ICA1: variants seen among roughly 807,000 people sequenced by gnomAD.
ICA1 encodes the protein islet cell autoantigen 1, also known as 69 kDa islet cell autoantigen.
In ICA1, 40 loss-of-function variants were observed where a neutral mutation model predicts 71.0. The ratio of observed to expected loss-of-function variants is 0.56; its 90% CI spans 0.44 to 0.73. ICA1 has a LOEUF of 0.73. Ranked by LOEUF, ICA1 falls within the 30% of genes least tolerant of loss-of-function variation. The pLI, the probability that ICA1 is intolerant of heterozygous loss-of-function variation, is 0.00. For synonymous variants in ICA1, 207 were observed against 209.5 expected (o/e 0.99, Z 0.10); for missense variants, 578 against 576.5 (o/e 1.00, Z -0.03).
intron 8 of ICA1, among the ~76,000 whole-genome samples, chr7:8,147,190 C>T (rs912852143): frequency 1.3e-5 from 2 of 152,122 alleles, no homozygotes; most frequent in African/African-American, 4.8e-5. Flanking sequence ...CCACGGTTAT[C>T]ATCCTTTCTG....
chr7:8,166,161 T>C (rs761197941), intron 6 of ICA1, among the ~76,000 whole-genome samples: 1 of 152,184 alleles, frequency 6.6e-6, no homozygotes, highest in Non-Finnish European at 1.5e-5. Flanking sequence ...ATTGGTGTTA[T>C]TAATTACCAG....
chr7:8,237,015 T>C (rs1464728233), intron 1 of ICA1: 1 of 152,230 alleles, frequency 6.6e-6, no homozygotes, highest in Non-Finnish European at 1.5e-5. Flanking sequence ...CCTAGGCTAT[T>C]TAAAAACATT....
At chr7:8,243,590 T>C (rs1254063125) in intron 1 of ICA1, among the ~76,000 whole-genome samples, 4 of 152,124 alleles carry the variant, frequency 2.6e-5, no homozygotes, top group East Asian at 1.9e-4. Context: ...GAGAAAGCAA[T>C]AAAGCATATT....
chr7:8,120,303 A>G (rs980600809), intron 13 of ICA1, among the ~76,000 whole-genome samples: 5 of 152,228 alleles, frequency 3.3e-5, no homozygotes, highest in Non-Finnish European at 2.9e-5. Context: ...TATGTCTATG[A>G]CACCGACTAT....
intron 4 of ICA1, among the ~76,000 whole-genome samples, chr7:8,225,637 T>C (rs1297069438): frequency 1.3e-5 from 2 of 152,236 alleles, no homozygotes; most frequent in Admixed American, 6.5e-5. Context: ...GCAGGAAATA[T>C]ATGAATGTAC....
Position 8,232,619 on chromosome 7 carries a change from A to C in ICA1, c.154T>G (p.Ser52Ala), listed in dbSNP as rs754542877. Residue 52 changes from serine (S) to alanine (A), a missense_variant, in exon 3 of 14, where the codon TCT (serine) becomes GCT (alanine). Physicochemically the swap from Ser to Ala is moderately conservative, Grantham distance 99 (BLOSUM62 1). Transcript: ENST00000402384. Reference sequence around the variant, plus strand: ...AGCTTGGCATCCAGGTCCGCGTCAGAGGCAACAACATGTTCATCTTCCTTC... The same window carrying C: ...AGCTTGGCATCCAGGTCCGCGTCAGCGGCAACAACATGTTCATCTTCCTTC... ...GKKEDEHVVA[S>A]DADLDAKLEL... The C allele has an allele frequency of 6.2e-7, 1 of 1,612,852 alleles. No homozygotes were observed. Among genetic ancestry groups the C allele is most frequent in the Non-Finnish European group, 8.5e-7 (1 of 1,179,432 alleles).
At chr7:8,213,732 A>C (rs1418594495) in intron 6 of ICA1, among the ~76,000 whole-genome samples, 2 of 152,228 alleles carry the variant, frequency 1.3e-5, no homozygotes, top group East Asian at 3.8e-4. Flanking sequence ...GTCCTTGACC[A>C]AGTGCCATAG....
chr7:8,221,437 G>A lies in ICA1; in HGVS notation c.257-39C>T, dbSNP rs41282697. On this transcript the variant is annotated intron_variant, in intron 4 of 13. Transcript: ENST00000402384. The stretch of plus-strand genomic sequence containing the variant: ...GACCAAAAGGAGCCATGAACAATGA[G>A]CATTTTGATTGCAAAGGGAACAAGA... The A allele has an allele frequency of 3.8e-3, 6,186 of 1,608,710 alleles. 19 individuals carry two copies. Among genetic ancestry groups the A allele is most frequent in the Non-Finnish European group, 4.7e-3 (5,473 of 1,176,416 alleles).
In ICA1 at chr7:8,123,126, T is replaced by G. The variant is rs1042624722; in HGVS notation, c.1330+4747A>C. Among the ~76,000 whole-genome samples the G allele has an allele frequency of 5.3e-5, 8 of 152,176 alleles. No homozygotes were observed. Among genetic ancestry groups the G allele is most frequent in the Non-Finnish European group, 1.0e-4 (7 of 68,028 alleles). Reference sequence around the variant, plus strand: ...TTACCATGCTGATAACTTCAGACACTCTTAGAAATCCCAGCTAAAATTAAC... The same window carrying G: ...TTACCATGCTGATAACTTCAGACACGCTTAGAAATCCCAGCTAAAATTAAC... On this transcript the variant is annotated intron_variant, in intron 13 of 13. Transcript: ENST00000402384. The surrounding 1 kb of genome is among the most constrained non-coding windows in gnomAD (Gnocchi z 4.1).
At chr7:8,145,746 G>GTATATATATATATATATGTA (rs199855161) in intron 8 of ICA1, among the ~76,000 whole-genome samples, 1 of 33,506 alleles carries the variant, frequency 3.0e-5, no homozygotes, top group East Asian at 4.1e-3. Context: ...TGGAATCATT[G>GTATATATATATATATATGTA]TGTATATATA....
chr7:8,260,345 G>C (rs1205317524), intron 1 of ICA1, among the ~76,000 whole-genome samples: 1 of 152,154 alleles, frequency 6.6e-6, no homozygotes, highest in African/African-American at 2.4e-5. Context: ...AAGATGCGTA[G>C]AGAAAGCAGT....
At chr7:8,185,140 A>T (rs1240364431) in intron 6 of ICA1, among the ~76,000 whole-genome samples, 1 of 152,162 alleles carries the variant, frequency 6.6e-6, no homozygotes, top group African/African-American at 2.4e-5. Flanking sequence ...TCTTTGGTTT[A>T]AAAAAACTGA....
At chr7:8,126,065 C>T (rs982164617) in intron 13 of ICA1, among the ~76,000 whole-genome samples, 3 of 152,158 alleles carry the variant, frequency 2.0e-5, no homozygotes, top group Non-Finnish European at 2.9e-5. Context: ...AGGAAGTGGG[C>T]GAGGAGCTCT....
At chr7:8,248,910 G>A (rs1807106194) in intron 1 of ICA1, among the ~76,000 whole-genome samples, 1 of 152,158 alleles carries the variant, frequency 6.6e-6, no homozygotes, top group African/African-American at 2.4e-5. Flanking sequence ...TCATCACTGT[G>A]TTAGAGTCAC....
chr7:8,145,006 C>G lies in ICA1; in HGVS notation c.805-1034G>C, dbSNP rs551178511. ...TGAAGATGGTTCTCAGGCTGTGTCT[C>G]GGCAGAGCAGACCTGTGATTGATTT... On this transcript the variant is annotated intron_variant, in intron 8 of 13. Coordinates refer to ENST00000402384, the MANE Select transcript of ICA1 (RefSeq NM_001136020.3). Among the ~76,000 whole-genome samples, 20 of 152,164 alleles carry G rather than the reference C, an allele frequency of 1.3e-4. No individual in the cohort carries two copies. The South Asian group carries it at 3.5e-3, about 27-fold the overall frequency.
chr7:8,221,547 C>A (rs1235417170), intron 4 of ICA1, 149 bp from the exon 5 acceptor site: 1 of 786,064 alleles, frequency 1.3e-6, no homozygotes, highest in East Asian at 2.8e-5. Flanking sequence ...GGTAAGCTCC[C>A]CCTACCCCCC....
intron 1 of ICA1, among the ~76,000 whole-genome samples, chr7:8,257,202 T>A (rs1238113471): frequency 6.6e-6 from 1 of 152,250 alleles, no homozygotes; most frequent in African/African-American, 2.4e-5. Context: ...GATTTCTTCC[T>A]TGATAGTTGT....
chr7:8,157,320 G>T, intron 7 of ICA1, 106 bp from the exon 8 acceptor site: 1 of 1,085,158 alleles, frequency 9.2e-7, no homozygotes, highest in Non-Finnish European at 1.3e-6. Flanking sequence ...TTTAAAGCAT[G>T]ATTCTAACTC....
chr7:8,152,885 CACCACT>C (rs1407437255), intron 8 of ICA1, among the ~76,000 whole-genome samples: 7 of 17,856 alleles, frequency 3.9e-4, no homozygotes, highest in South Asian at 2.2e-3. Context: ...TCACCTCCAC[CACCACT>C]ACCACCATTA....
Sources: gnomAD v4.1 joint callset for allele counts (sites outside exome capture counted in the v4.1 genomes callset) on GRCh38, gnomAD v4.1.1 for gene constraint, Gnocchi (gnomAD v3.1) non-coding constraint, MANE v1.5 for transcripts, NCBI Gene and HGNC (gene_info 2026-07-23, HGNC 2026-07-21) for gene names.